The following FAT3 variants were observed in gnomAD, a reference collection of about 807,000 sequenced individuals.
The protein encoded by FAT3 is protocadherin Fat 3.
In FAT3, 95 loss-of-function variants were observed where a neutral mutation model predicts 310.2. That is an observed-to-expected ratio of 0.31 (90% confidence interval 0.26 to 0.36). The LOEUF (loss-of-function observed/expected upper bound fraction) is 0.36. FAT3 is among the 10% of genes least tolerant of loss of function. FAT3 has a pLI of 1.00. For synonymous variants in FAT3, 2,314 were observed against 2,192.9 expected, an observed-to-expected ratio of 1.06 and a Z score of -1.54; for missense variants, 5,408 against 5,715.6, an observed-to-expected ratio of 0.95 and a Z score of 1.74.
intron 21 of FAT3, 135 bp from the exon 22 acceptor site, chr11:92,866,606 A>T: frequency 1.3e-6 from 1 of 755,090 alleles, no homozygotes; most frequent in Non-Finnish European, 2.1e-6. Context: ...ACCACAACAG[A>T]TTTATGAGTA....
intron 1 of FAT3, among the ~76,000 whole-genome samples, chr11:92,350,736 T>G (rs1565246187): frequency 6.7e-6 from 1 of 150,194 alleles, no homozygotes; most frequent in South Asian, 2.1e-4. Flanking sequence ...TACCTATTAC[T>G]TAGGATTATC....
chr11:92,277,233 C>T (rs1946296289), intron 1 of FAT3, among the ~76,000 whole-genome samples: 1 of 152,102 alleles, frequency 6.6e-6, no homozygotes, highest in African/African-American at 2.4e-5. Flanking sequence ...CAAGATATAA[C>T]ATCTAGAAGG....
At chr11:92,448,851 G>T (rs1951283422) in intron 2 of FAT3, among the ~76,000 whole-genome samples, 1 of 152,142 alleles carries the variant, frequency 6.6e-6, no homozygotes, top group Non-Finnish European at 1.5e-5. Context: ...GAATTCTGCT[G>T]TTTGGTTTTT....
intron 16 of FAT3, 25 bp downstream of exon 16, chr11:92,836,728 T>C: frequency 1.2e-6 from 2 of 1,605,008 alleles, no homozygotes; most frequent in Non-Finnish European, 1.7e-6. Context: ...GACAGTTTCC[T>C]TCCCATCCAC....
chr11:92,273,652 T>TG (rs1360548718), intron 1 of FAT3, among the ~76,000 whole-genome samples: 1 of 151,908 alleles, frequency 6.6e-6, no homozygotes, highest in African/African-American at 2.4e-5. Context: ...GTCCAGAAGA[T>TG]GGTGAGGGAA....
At chr11:92,282,394 G>A (rs1946450849) in intron 1 of FAT3, among the ~76,000 whole-genome samples, 1 of 152,094 alleles carries the variant, frequency 6.6e-6, no homozygotes, top group Admixed American at 6.6e-5. Flanking sequence ...GCCAGGCGCA[G>A]TGTCTCATGC....
intron 4 of FAT3, among the ~76,000 whole-genome samples, chr11:92,735,108 A>T (rs919212694): frequency 2.6e-5 from 4 of 151,542 alleles, no homozygotes; most frequent in Non-Finnish European, 5.9e-5. Flanking sequence ...AAGTTTGAGC[A>T]TGTCATGTCT....
chr11:92,620,496 T>G (rs1173711461), intron 3 of FAT3, among the ~76,000 whole-genome samples: 3 of 152,234 alleles, frequency 2.0e-5, no homozygotes, highest in African/African-American at 7.2e-5. Context: ...GCCCTGTGCT[T>G]GAAAACATTT....
At chr11:92,787,937 A>C (rs1034977617) in intron 7 of FAT3, among the ~76,000 whole-genome samples, 3 of 152,108 alleles carry the variant, frequency 2.0e-5, no homozygotes, top group African/African-American at 7.2e-5. Flanking sequence ...TTTGAATAGG[A>C]AGTAGCAATA....
intron 4 of FAT3, among the ~76,000 whole-genome samples, chr11:92,743,440 A>G (rs1415893239): frequency 6.6e-6 from 1 of 152,244 alleles, no homozygotes; most frequent in Non-Finnish European, 1.5e-5. Context: ...GGCAGGAGAT[A>G]ATGAGAGCTT....
intron 2 of FAT3, among the ~76,000 whole-genome samples, chr11:92,375,815 T>C (rs1408219110): frequency 6.6e-6 from 1 of 152,228 alleles, no homozygotes; most frequent in African/African-American, 2.4e-5. Context: ...ATTTTACAAC[T>C]TAGTAGTTCA....
chr11:92,728,562 CTA>C (rs1271695494), intron 4 of FAT3, among the ~76,000 whole-genome samples: 1 of 151,970 alleles, frequency 6.6e-6, no homozygotes, highest in African/African-American at 2.4e-5. Context: ...TCTGGGGCTG[CTA>C]TAAAACAAAT....
chr11:92,443,835 A>G (rs1285845152), intron 2 of FAT3, among the ~76,000 whole-genome samples: 1 of 152,166 alleles, frequency 6.6e-6, no homozygotes, highest in Non-Finnish European at 1.5e-5. Context: ...AAGAAGATAA[A>G]TAAGAAGAGG....
chr11:92,863,733 C>A (rs1259778466), intron 21 of FAT3, among the ~76,000 whole-genome samples: 1 of 152,098 alleles, frequency 6.6e-6, no homozygotes, highest in Non-Finnish European at 1.5e-5. Flanking sequence ...CTAGGTGAAC[C>A]CAACTCTGAA....
In FAT3 at chr11:92,437,245, G is replaced by A. The variant is rs1235968863; in HGVS notation, c.3292+81841G>A. On this transcript the variant is annotated intron_variant, in intron 2 of 27. Transcript: ENST00000525166. ...ATATTTAAGCTACTCTTAACATCTT[G>A]TGGAATATCAGAGTTGAATATGTTT... Among the ~76,000 whole-genome samples, 7 of 152,194 alleles carry A rather than the reference G, an allele frequency of 4.6e-5. No homozygotes were observed. The East Asian group carries it at 1.3e-3, about 29-fold the overall frequency.
At chr11:92,462,513 A>G (rs565024113) in intron 2 of FAT3, among the ~76,000 whole-genome samples, 2 of 152,318 alleles carry the variant, frequency 1.3e-5, no homozygotes, top group East Asian at 1.9e-4. Flanking sequence ...AGGAGAATCC[A>G]GTATCCTGCT....
At chr11:92,491,710 A>C (rs527319706) in intron 2 of FAT3, among the ~76,000 whole-genome samples, 1 of 152,228 alleles carries the variant, frequency 6.6e-6, no homozygotes, top group East Asian at 1.9e-4. Flanking sequence ...CATTAAGAGT[A>C]GAATTGTAAA....
intron 2 of FAT3, among the ~76,000 whole-genome samples, chr11:92,460,671 G>C (rs541368963): frequency 6.6e-6 from 1 of 152,314 alleles, no homozygotes; most frequent in African/African-American, 2.4e-5. Flanking sequence ...AAGACAAATA[G>C]ATGAAATTTA....
chr11:92,759,555 G>A (rs1272390857), intron 4 of FAT3, among the ~76,000 whole-genome samples: 5 of 152,098 alleles, frequency 3.3e-5, no homozygotes, highest in Non-Finnish European at 7.3e-5. Context: ...AGAAAGGATA[G>A]GGACAGCTCT....
Sources: allele counts gnomAD v4.1 joint callset (sites outside exome capture counted in the v4.1 genomes callset), GRCh38; gene constraint gnomAD v4.1.1; transcripts MANE v1.5; gene names NCBI Gene and HGNC (gene_info 2026-07-23, HGNC 2026-07-21).